Variants in MYO5C observed in about 807,000 individuals in gnomAD.
MYO5C encodes myosin VC.
In MYO5C, 194 loss-of-function variants were observed where a neutral mutation model predicts 235.7. The ratio of observed to expected loss-of-function variants is 0.82; its 90% CI spans 0.73 to 0.93. The LOEUF (loss-of-function observed/expected upper bound fraction) is 0.93, where lower values mean the gene tolerates loss of function less well. Among genes scored for constraint, MYO5C ranks in the 40% least tolerant of loss-of-function variants. The probability of loss-of-function intolerance (pLI) is 0.00; values close to 1 mark genes in which losing one functional copy is unlikely to be tolerated. For missense variants in MYO5C, 2,038 were observed against 2,127.2 expected (o/e 0.96, Z 0.82); for synonymous variants, 707 against 754.8 (o/e 0.94, Z 1.04).
intron 22 of MYO5C, among the ~76,000 whole-genome samples, chr15:52,236,319 G>T (rs1331171857): frequency 6.6e-6 from 1 of 152,236 alleles, no homozygotes; most frequent in Non-Finnish European, 1.5e-5. Context: ...CGGGTCATGG[G>T]GAGGGCAAAG....
At chr15:52,287,554 G>C (rs1404838217) in intron 1 of MYO5C, among the ~76,000 whole-genome samples, 1 of 152,032 alleles carries the variant, frequency 6.6e-6, no homozygotes, top group Non-Finnish European at 1.5e-5. Context: ...CAAAATATAT[G>C]CCCCCCAAAA....
intron 6 of MYO5C, 151 bp from the exon 7 acceptor site, chr15:52,271,995 C>T (rs2036935652): frequency 2.3e-6 from 1 of 442,436 alleles, no homozygotes; most frequent in Non-Finnish European, 4.0e-6. Flanking sequence ...GGCCCTTCCT[C>T]TCAGCTGAGA....
chr15:52,281,371 C>T (rs1212932289), intron 2 of MYO5C, among the ~76,000 whole-genome samples: 2 of 152,210 alleles, frequency 1.3e-5, no homozygotes, highest in Non-Finnish European at 2.9e-5. Context: ...GGGTCAAGGC[C>T]GGGAATGTAG....
In MYO5C at chr15:52,237,534, T is replaced by C; in HGVS notation, c.2816A>G (p.His939Arg). 1.9e-6 allele frequency: 3 copies of C among 1,614,220 alleles called. No homozygotes were observed. Among genetic ancestry groups the C allele is most frequent in the Non-Finnish European group, 2.5e-6 (3 of 1,180,036 alleles). Residue 939 changes from histidine to arginine, a missense_variant, in exon 22 of 41, where the codon CAC becomes CGC. His to Arg is a conservative substitution (Grantham distance 29). Transcript: ENST00000261839. ...LEAELEKAAT[H>R]RRNYEEKGKR... ...CCCCTTCTCCTCGTAATTTCGCCTG[T>C]GAGTGGCTGCTTTTTCTAGTTCTGC...
chr15:52,280,434 C>T (rs781690815), intron 2 of MYO5C, among the ~76,000 whole-genome samples: 14 of 152,232 alleles, frequency 9.2e-5, no homozygotes, highest in Admixed American at 4.6e-4. Context: ...GAGCATGCCC[C>T]GTGGCATCTG....
At chr15:52,285,099 G>A (rs1384952420) in intron 1 of MYO5C, among the ~76,000 whole-genome samples, 1 of 152,190 alleles carries the variant, frequency 6.6e-6, no homozygotes, top group Admixed American at 6.5e-5. Flanking sequence ...TGGGCACAGT[G>A]GCTCACACCT....
At chr15:52,226,051 G>GA (rs34456629) in intron 25 of MYO5C, among the ~76,000 whole-genome samples, 208 of 120,222 alleles carry the variant, frequency 1.7e-3, no homozygotes, top group Middle Eastern at 4.5e-3. Context: ...ACTCCACCTC[G>GA]AAAAAAAAAA....
intron 10 of MYO5C, among the ~76,000 whole-genome samples, chr15:52,259,754 A>G (rs551396620): frequency 6.6e-6 from 1 of 152,388 alleles, no homozygotes; most frequent in African/African-American, 2.4e-5. Context: ...AATTAAACAA[A>G]GCAGCTCCCT....
At chr15:52,244,988 C>T (rs2036306900) in intron 18 of MYO5C, among the ~76,000 whole-genome samples, 1 of 152,196 alleles carries the variant, frequency 6.6e-6, no homozygotes, top group African/African-American at 2.4e-5. Flanking sequence ...CAACTCATCG[C>T]TGCAGCAATG....
intron 8 of MYO5C, among the ~76,000 whole-genome samples, chr15:52,266,019 C>T (rs2036802694): frequency 6.6e-6 from 1 of 152,172 alleles, no homozygotes; most frequent in Admixed American, 6.5e-5. Context: ...ACAGTAATGA[C>T]AGGTAAGTGA....
Position 52,204,953 on chromosome 15 carries a change from G to A in MYO5C, c.4732C>T (p.Gln1578Ter). Residue 1578 changes from glutamine to a stop codon, truncating the protein, a stop_gained, in exon 38 of 41, where the codon CAG becomes TAG. Transcript: ENST00000261839. LOFTEE classifies it high-confidence loss of function. The stretch of plus-strand genomic sequence containing the variant: ...ACCGCCCCGATCAAGAAGAAGAGCT[G>A]CTTCACCGCCTGCCTCACAAGCTCG... ...DPELVRQAVK[Q>*]LFFLIGAVTL... The A allele has an allele frequency of 6.2e-7, 1 of 1,614,238 alleles. No individual in the cohort carries two copies. The highest frequency in any genetic ancestry group is 8.5e-7 in the Non-Finnish European group (1 of 1,180,036).
chr15:52,263,988 T>C (rs1194184511), intron 9 of MYO5C, among the ~76,000 whole-genome samples: 1 of 152,172 alleles, frequency 6.6e-6, no homozygotes, highest in Non-Finnish European at 1.5e-5. Context: ...GAGATCCATT[T>C]CCCCTCCTCT....
intron 22 of MYO5C, 103 bp downstream of exon 22, chr15:52,237,379 A>T: frequency 7.2e-7 from 1 of 1,395,680 alleles, no homozygotes; most frequent in Non-Finnish European, 9.7e-7. Context: ...GCAAAATCTG[A>T]TTTGCTCTGC....
At chr15:52,289,600 A>G (rs1431150522) in intron 1 of MYO5C, among the ~76,000 whole-genome samples, 2 of 148,826 alleles carry the variant, frequency 1.3e-5, no homozygotes, top group Admixed American at 1.3e-4. Context: ...GCCATAAGTC[A>G]GCCCCCAACC....
intron 20 of MYO5C, 48 bp downstream of exon 20, chr15:52,242,000 A>T: frequency 1.3e-6 from 2 of 1,544,356 alleles, no homozygotes; most frequent in Non-Finnish European, 1.7e-6. Flanking sequence ...GTTCTCAGTA[A>T]GGAAGGCCCG....
chr15:52,217,108 A>T (rs1394287349), intron 32 of MYO5C, among the ~76,000 whole-genome samples: 1 of 152,212 alleles, frequency 6.6e-6, no homozygotes, highest in Non-Finnish European at 1.5e-5. Flanking sequence ...AGCCCTGGCA[A>T]ACTAATACAG....
rs765475265 is a variant in MYO5C at position 52,221,228 on chromosome 15, A to C, written c.3655T>G (p.Ser1219Ala). Residue 1219 changes from serine to alanine, a missense_variant, in exon 30 of 41, where the codon TCA becomes GCA. By Grantham distance (99) the Ser-to-Ala change is moderately conservative. Transcript: ENST00000261839. ...TCTTGCTTCTGTTTCTCCAATTCTG[A>C]AATTTGCTGTTTAAAGTCTGGGATC... is the stretch of plus-strand genomic sequence containing the variant. ...MMIPDFKQQI[S>A]ELEKQKQDLE... 7 of 1,612,776 alleles carry C rather than the reference A, an allele frequency of 4.3e-6. No homozygotes were observed. Among genetic ancestry groups the C allele is most frequent in the Non-Finnish European group, 5.9e-6 (7 of 1,179,308 alleles).
chr15:52,216,594 A>G (rs2035558514), intron 32 of MYO5C, among the ~76,000 whole-genome samples: 1 of 151,710 alleles, frequency 6.6e-6, no homozygotes, highest in Non-Finnish European at 1.5e-5. Flanking sequence ...AATGATTACT[A>G]AAAGTTTTTT....
At chr15:52,282,343 T>G (rs2037177168) in intron 2 of MYO5C, among the ~76,000 whole-genome samples, 1 of 152,128 alleles carries the variant, frequency 6.6e-6, no homozygotes, top group Non-Finnish European at 1.5e-5. Flanking sequence ...CTCTTCTCAT[T>G]TTCCTCCCCT....
Sources: allele counts gnomAD v4.1 joint callset (sites outside exome capture counted in the v4.1 genomes callset), GRCh38; gene constraint gnomAD v4.1.1; transcripts MANE v1.5; gene names NCBI Gene and HGNC (gene_info 2026-07-23, HGNC 2026-07-21).